The following FRY variants were observed in gnomAD, a reference collection of about 807,000 sequenced individuals.
FRY encodes protein furry homolog.
Under a neutral mutation model 348.4 loss-of-function variants are expected in FRY, and 128 were observed. That is an observed-to-expected ratio of 0.37 (90% CI 0.32 to 0.43). FRY has a LOEUF of 0.43. Ranked by LOEUF, FRY falls within the 20% of genes least tolerant of loss-of-function variation. FRY has a pLI of 1.00. For missense variants in FRY, 2,736 were observed against 3,695.2 expected, an observed-to-expected ratio of 0.74 and a Z score of 6.73; for synonymous variants, 1,370 against 1,374.7, an observed-to-expected ratio of 1.00 and a Z score of 0.08.
intron 3 of FRY, among the ~76,000 whole-genome samples, chr13:32,116,170 C>G (rs1309510023): frequency 6.6e-6 from 1 of 151,086 alleles, no homozygotes; most frequent in Non-Finnish European, 1.5e-5. Context: ...CTAAGAGTGG[C>G]CTTCTTGGGA....
At position 32,297,268 on chromosome 13, in the gene FRY, T is replaced by C. The variant is rs1187315473; in HGVS notation, c.*1808T>C. 4 of 152,208 alleles carry C rather than the reference T, an allele frequency of 2.6e-5. No homozygotes were observed. The highest frequency in any genetic ancestry group is 2.9e-5 in the Non-Finnish European group (2 of 68,028). 9.4% of individuals were successfully genotyped at this position (152,208 alleles called of 1,614,324 possible). A position where few individuals can be genotyped will look rare whatever the true frequency, so the allele number is the denominator to read the frequency against. ...GAAAACATATTTTTCTGATGATTTA[T>C]TTTTTTCAACTTGCCTGAAAGATGA... On this transcript the variant is annotated 3_prime_UTR_variant, in exon 61 of 61. Coordinates refer to ENST00000542859, the MANE Select transcript of FRY (RefSeq NM_023037.3).
chr13:32,171,251 A>G lies in FRY; in HGVS notation c.2132A>G (p.Asn711Ser). Residue 711 changes from asparagine (N) to serine (S), a missense_variant, in exon 18 of 61, where the codon AAC becomes AGC. By Grantham distance (46) the Asn-to-Ser change is conservative. Transcript: ENST00000542859. ...QTQGKVYEQANKIRNSELIAN... is the reference protein window; with the variant it reads ...QTQGKVYEQASKIRNSELIAN... Reference sequence around the variant, plus strand: ...CAAGGAAAAGTCTATGAACAAGCCAACAAAATCAGAAATTCAGAGGTGATT... The same window carrying G: ...CAAGGAAAAGTCTATGAACAAGCCAGCAAAATCAGAAATTCAGAGGTGATT... The G allele has an allele frequency of 2.5e-6, 4 of 1,612,924 alleles. No homozygotes were observed. Among genetic ancestry groups the G allele is most frequent in the African/African-American group, 1.3e-5 (1 of 74,900 alleles).
chr13:32,193,391 T>C (rs1883469392), intron 28 of FRY, among the ~76,000 whole-genome samples: 1 of 151,842 alleles, frequency 6.6e-6, no homozygotes, highest in Admixed American at 6.6e-5. Flanking sequence ...CCACTATAAT[T>C]ATCACTATTC....
intron 24 of FRY, among the ~76,000 whole-genome samples, chr13:32,183,515 C>T (rs921778517): frequency 3.9e-5 from 6 of 152,234 alleles, no homozygotes; most frequent in East Asian, 1.9e-4. Flanking sequence ...CGATGGCGCA[C>T]GCCTGTAATC....
At chr13:32,231,415 G>A (rs142186957) in intron 41 of FRY, 115 bp downstream of exon 41, 212 of 1,004,852 alleles carry the variant, frequency 2.1e-4, no homozygotes, top group African/African-American at 1.6e-3. Flanking sequence ...TCCATAGCAC[G>A]AGCATATTCA....
In FRY at chr13:32,292,232, G is replaced by A. The variant is rs191187393; in HGVS notation, c.8581-2136G>A. On this transcript the variant is annotated intron_variant, in intron 59 of 60. Transcript: ENST00000542859. Reference sequence around the variant, plus strand: ...TCCTGACCTCAAGTGATCCACCCCCGTTGGCCTCCCAAAGTGCTGGGATTA... The same window carrying A: ...TCCTGACCTCAAGTGATCCACCCCCATTGGCCTCCCAAAGTGCTGGGATTA... Among the ~76,000 whole-genome samples, 10 of 151,748 alleles carry A rather than the reference G, an allele frequency of 6.6e-5. 1 individual carries two copies. In the South Asian group the frequency reaches 1.2e-3, roughly 19 times the overall value.
rs1344214054 is a variant in FRY, at chr13:32,178,345, A to G, written c.2590A>G (p.Asn864Asp). Residue 864 changes from asparagine to aspartate, a missense_variant, in exon 21 of 61, where the codon AAC (asparagine) becomes GAC (aspartate). Coordinates refer to ENST00000542859, the MANE Select transcript of FRY (RefSeq NM_023037.3). ...LCLFSFLRQE[N>D]LPKHCPTALS... ...CCTCTTCAGCTTCCTCCGGCAGGAG[A>G]ACTTACCCAAGCACTGCCCCACAGC... The G allele has an allele frequency of 1.2e-6, 2 of 1,614,006 alleles. No homozygotes were observed. Among genetic ancestry groups the G allele is most frequent in the East Asian group, 2.2e-5 (1 of 44,880 alleles).
chr13:32,179,622 G>A, intron 22 of FRY, 53 bp from the exon 23 acceptor site: 1 of 1,579,028 alleles, frequency 6.3e-7, no homozygotes, highest in African/African-American at 1.4e-5. Flanking sequence ...TTGATTAAAG[G>A]AACCATCAGT....
chr13:32,278,362 CTAT>C, intron 57 of FRY, 100 bp from the exon 58 acceptor site: 4 of 744,440 alleles, frequency 5.4e-6, no homozygotes, highest in Non-Finnish European at 1.0e-5. Flanking sequence ...TTTCATTTTA[CTAT>C]TATTAGAACT....
chr13:32,127,737 C>T (rs1320851091), intron 7 of FRY, among the ~76,000 whole-genome samples: 2 of 152,046 alleles, frequency 1.3e-5, no homozygotes, highest in African/African-American at 4.8e-5. Flanking sequence ...CGAGATCGTG[C>T]CACTACACTC....
At chr13:32,280,367 T>A (rs1415296190) in intron 58 of FRY, among the ~76,000 whole-genome samples, 1 of 152,230 alleles carries the variant, frequency 6.6e-6, no homozygotes, top group African/African-American at 2.4e-5. Context: ...ATCTGTGATG[T>A]CCTGTCTCAG....
chr13:32,136,854 C>G lies in FRY; in HGVS notation c.1078-17C>G. The G allele has an allele frequency of 1.4e-5, 18 of 1,302,212 alleles. No homozygotes were observed. Among genetic ancestry groups the G allele is most frequent in the Non-Finnish European group, 1.9e-5 (17 of 895,120 alleles). 80.7% of individuals were successfully genotyped at this position (1,302,212 alleles called of 1,614,324 possible). On this transcript the variant is annotated splice_polypyrimidine_tract_variant and intron_variant, in intron 10 of 60. Transcript: ENST00000542859. ...GAAATATAAATGATCCTGTGACCTC[C>G]TCTCCTTTCTCCTCAGGCCTTGTAC...
intron 8 of FRY, among the ~76,000 whole-genome samples, chr13:32,133,768 C>CTTTTTTTTTTTTTTTTTTTTTTT (rs34413710): frequency 2.6e-4 from 23 of 89,290 alleles, no homozygotes; most frequent in Non-Finnish European, 3.9e-4. Flanking sequence ...TTCTTTCTTT[C>CTTTTTTTTTTTTTTTTTTTTTTT]TTTTTTTTTT....
chr13:32,101,415 A>G (rs1286373065), intron 2 of FRY, among the ~76,000 whole-genome samples: 2 of 152,220 alleles, frequency 1.3e-5, no homozygotes, highest in South Asian at 2.1e-4. Context: ...ATTGTGAATA[A>G]TGCTGCAGTT....
chr13:32,100,590 A>G (rs35249925), intron 2 of FRY, among the ~76,000 whole-genome samples: 117 of 152,318 alleles, frequency 7.7e-4, no homozygotes, highest in Non-Finnish European at 1.4e-3. Context: ...TAACATTTCT[A>G]TCACATTACG....
At chr13:32,156,801 T>A (rs1326244833) in intron 15 of FRY, among the ~76,000 whole-genome samples, 4 of 152,268 alleles carry the variant, frequency 2.6e-5, no homozygotes, top group East Asian at 3.9e-4. Flanking sequence ...ATGTTTTTCT[T>A]CATTTTTAAA....
intron 38 of FRY, 147 bp from the exon 39 acceptor site, chr13:32,225,642 C>T (rs2138413853): frequency 1.3e-6 from 1 of 747,374 alleles, no homozygotes; most frequent in East Asian, 2.6e-5. Flanking sequence ...AAGCCCAACT[C>T]CTGTATGTTG....
chr13:32,261,856 A>G (rs779736459), intron 52 of FRY, 40 bp downstream of exon 52: 3 of 1,569,804 alleles, frequency 1.9e-6, no homozygotes. Context: ...TGGGAGGCTT[A>G]TTTTTTGTAA....
chr13:32,277,807 G>T (rs1888608127), intron 57 of FRY, among the ~76,000 whole-genome samples: 1 of 152,184 alleles, frequency 6.6e-6, no homozygotes, highest in Admixed American at 6.5e-5. Context: ...CAGCTTCTCA[G>T]TCATCACCCA....
Sources: allele counts gnomAD v4.1 joint callset (sites outside exome capture counted in the v4.1 genomes callset), GRCh38; gene constraint gnomAD v4.1.1; transcripts MANE v1.5; gene names NCBI Gene and HGNC (gene_info 2026-07-23, HGNC 2026-07-21).